Variants in LOC128706666 observed in about 807,000 individuals in gnomAD.
chr20:10,413,958 A>G, the LOC128706666 span: 2 of 404,434 alleles, frequency 4.9e-6, no homozygotes, highest in African/African-American at 4.1e-5. Context: ...AAAACATTTT[A>G]GAGAAATACT....
the LOC128706666 span, among the ~76,000 whole-genome samples, chr20:10,424,778 A>G: frequency 1.3e-5 from 2 of 152,110 alleles, no homozygotes; most frequent in Non-Finnish European, 2.9e-5. Flanking sequence ...AGAGCAGGGC[A>G]CGGTGGCTCA....
At chr20:10,430,276 G>C in the LOC128706666 span, among the ~76,000 whole-genome samples, 1 of 152,156 alleles carries the variant, frequency 6.6e-6, no homozygotes, top group Non-Finnish European at 1.5e-5. Context: ...ACCTGGCTTT[G>C]AATCTTCACT....
the LOC128706666 span, among the ~76,000 whole-genome samples, chr20:10,420,193 A>G: frequency 6.6e-6 from 1 of 152,180 alleles, no homozygotes; most frequent in Non-Finnish European, 1.5e-5. Context: ...AAGAACACTA[A>G]TAGAAGAAAA....
chr20:10,423,334 T>C, the LOC128706666 span, among the ~76,000 whole-genome samples: 1 of 151,978 alleles, frequency 6.6e-6, no homozygotes, highest in East Asian at 1.9e-4. Context: ...GGTAGGAGGA[T>C]CGCTTGGACC....
At chr20:10,419,693 C>G in the LOC128706666 span, among the ~76,000 whole-genome samples, 1 of 152,116 alleles carries the variant, frequency 6.6e-6, no homozygotes, top group African/African-American at 2.4e-5. Context: ...GCGGAGATAC[C>G]ACCACAGTTG....
chr20:10,429,972 G>T, the LOC128706666 span, among the ~76,000 whole-genome samples: 4 of 152,110 alleles, frequency 2.6e-5, no homozygotes, highest in East Asian at 5.8e-4. Context: ...GAGACCCACT[G>T]TTCTAGTCTA....
At chr20:10,428,798 C>T in the LOC128706666 span, among the ~76,000 whole-genome samples, 5 of 152,130 alleles carry the variant, frequency 3.3e-5, no homozygotes, top group African/African-American at 1.2e-4. Context: ...GAGTCGAGAT[C>T]GCGCCATTGC....
the LOC128706666 span, among the ~76,000 whole-genome samples, chr20:10,424,013 T>C: frequency 6.6e-6 from 1 of 152,212 alleles, no homozygotes; most frequent in African/African-American, 2.4e-5. Context: ...AAGTAACTAT[T>C]TTCTGACAGA....
chr20:10,413,773 AT>A, the LOC128706666 span: 2 of 585,752 alleles, frequency 3.4e-6, no homozygotes, highest in East Asian at 5.6e-5. Context: ...TGAGACTGAA[AT>A]TTTACAGACT....
the LOC128706666 span, among the ~76,000 whole-genome samples, chr20:10,415,836 C>T: frequency 1.2e-3 from 181 of 152,320 alleles, no homozygotes; most frequent in Admixed American, 2.9e-3. Flanking sequence ...GAGACCAGTA[C>T]ACATATCTTT....
the LOC128706666 span, among the ~76,000 whole-genome samples, chr20:10,424,896 A>G: frequency 6.6e-6 from 1 of 152,060 alleles, no homozygotes; most frequent in Non-Finnish European, 1.5e-5. Context: ...TACTAAAAAT[A>G]CAAAAAATTA....
At chr20:10,425,704 T>C in the LOC128706666 span, among the ~76,000 whole-genome samples, 1 of 152,212 alleles carries the variant, frequency 6.6e-6, no homozygotes, top group African/African-American at 2.4e-5. Flanking sequence ...ATGATCAGAT[T>C]TGATGAGCAG....
the LOC128706666 span, among the ~76,000 whole-genome samples, chr20:10,419,781 A>G: frequency 6.6e-6 from 1 of 152,350 alleles, no homozygotes; most frequent in East Asian, 1.9e-4. Context: ...GCGTGGATGA[A>G]GTAGAATATC....
the LOC128706666 span, among the ~76,000 whole-genome samples, chr20:10,425,635 T>C: frequency 6.6e-6 from 1 of 152,238 alleles, no homozygotes; most frequent in African/African-American, 2.4e-5. Flanking sequence ...CCAAGAGGCA[T>C]GGACTGTCTT....
the LOC128706666 span, among the ~76,000 whole-genome samples, chr20:10,425,360 T>A: frequency 6.6e-6 from 1 of 152,264 alleles, no homozygotes; most frequent in African/African-American, 2.4e-5. Context: ...TTGCAAAATA[T>A]GCTATGGCAA....
At chr20:10,427,063 C>CACACACACACACACACAA in the LOC128706666 span, among the ~76,000 whole-genome samples, 1 of 145,516 alleles carries the variant, frequency 6.9e-6, no homozygotes, top group African/African-American at 2.5e-5. Context: ...CACACACACA[C>CACACACACACACACACAA]ACACACACAC....
chr20:10,428,124 A>G, the LOC128706666 span, among the ~76,000 whole-genome samples: 1 of 152,252 alleles, frequency 6.6e-6, no homozygotes, highest in East Asian at 1.9e-4. Context: ...TAAGCAAGTG[A>G]TTAACAACTA....
chr20:10,417,019 T>C, the LOC128706666 span, among the ~76,000 whole-genome samples: 1 of 152,074 alleles, frequency 6.6e-6, no homozygotes. Context: ...GCAATGATAA[T>C]GAATAGTCGC....
At chr20:10,432,770 A>G in the LOC128706666 span, among the ~76,000 whole-genome samples, 8,362 of 133,610 alleles carry the variant, frequency 0.063, 302 homozygotes, top group East Asian at 0.19. Context: ...AGCCTGCGCG[A>G]CAGAGCGAGA....
Sources: allele counts gnomAD v4.1 joint callset (sites outside exome capture counted in the v4.1 genomes callset), GRCh38; gene constraint gnomAD v4.1.1; transcripts MANE v1.5.